The following FARP2 variants were observed in gnomAD, a reference collection of about 807,000 sequenced individuals.
FARP2 encodes the protein FERM, ARHGEF and pleckstrin domain-containing protein 2.
Under a neutral mutation model 130.5 loss-of-function variants are expected in FARP2, and 111 were observed. That is an observed-to-expected ratio of 0.85 (90% CI 0.73 to 1.00). FARP2 has a LOEUF of 1.00. Ranked by LOEUF, FARP2 falls within the 50% of genes least tolerant of loss-of-function variation. The pLI is 0.00. For missense variants in FARP2, 1,385 were observed against 1,346.3 expected, an observed-to-expected ratio of 1.03 and a Z score of -0.45; for synonymous variants, 504 against 516.9, an observed-to-expected ratio of 0.98 and a Z score of 0.34.
At chr2:241,389,861 G>T (rs892871392) in intron 2 of FARP2, among the ~76,000 whole-genome samples, 1 of 152,176 alleles carries the variant, frequency 6.6e-6, no homozygotes, top group South Asian at 2.1e-4. Context: ...TTTTAAGGAG[G>T]TTCTCTTGGG....
chr2:241,410,475 A>G (rs2062487358), intron 5 of FARP2, among the ~76,000 whole-genome samples: 1 of 148,396 alleles, frequency 6.7e-6, no homozygotes, highest in Admixed American at 6.8e-5. Flanking sequence ...CTTGTTGCCT[A>G]ACATGGAGTG....
chr2:241,484,732 T>C (rs2064710070), intron 21 of FARP2, among the ~76,000 whole-genome samples: 2 of 152,222 alleles, frequency 1.3e-5, no homozygotes, highest in South Asian at 4.1e-4. Flanking sequence ...ATGCCTGGGA[T>C]GGGAAGAGAA....
intron 2 of FARP2, among the ~76,000 whole-genome samples, chr2:241,381,686 G>A (rs1248616334): frequency 6.6e-6 from 1 of 152,234 alleles, no homozygotes; most frequent in Non-Finnish European, 1.5e-5. Flanking sequence ...TCTCCAGAGA[G>A]CTGATGGTAG....
rs371083113 is a variant in FARP2, at chr2:241,467,205, A to G, written c.1894-935A>G. ...AGGGAGGTTGAGGCTGCAGTGAGCTATGATCGCACCACTGCACTCCAGCCT... is the reference window on the plus strand; with the variant it reads ...AGGGAGGTTGAGGCTGCAGTGAGCTGTGATCGCACCACTGCACTCCAGCCT... On this transcript the variant is annotated intron_variant, in intron 17 of 26. Coordinates refer to ENST00000264042, the MANE Select transcript of FARP2 (RefSeq NM_014808.4). Among the ~76,000 whole-genome samples, 31 of 152,346 alleles carry G rather than the reference A, an allele frequency of 2.0e-4. No homozygotes were observed. In the East Asian group the frequency reaches 5.2e-3, roughly 26 times the overall value.
intron 20 of FARP2, chr2:241,483,901 C>G: frequency 1.0e-6 from 1 of 985,486 alleles, no homozygotes; most frequent in Non-Finnish European, 1.2e-6. Flanking sequence ...TCAGAAGCCC[C>G]TCCCAGCATG....
chr2:241,434,211 G>A lies in FARP2; in HGVS notation c.921G>A (p.Lys307=). Reference sequence around the variant, plus strand: ...TGTTGGGTAGTAGAGATGAATGTAAGAACTTCTGGAAGATTTGTGTGGAGT... The same window carrying A: ...TGTTGGGTAGTAGAGATGAATGTAAAAACTTCTGGAAGATTTGTGTGGAGT... ...EFLLGSRDEC[K]NFWKICVEYH... is the part of the protein sequence containing the mutation. The change falls in exon 10 of 27, where the codon AAG becomes AAA. Residue 307 remains lysine, a synonymous_variant. Transcript: ENST00000264042. 1 of 1,613,906 alleles carries A rather than the reference G, an allele frequency of 6.2e-7. No individual in the cohort carries two copies. Among genetic ancestry groups the A allele is most frequent in the South Asian group, 1.1e-5 (1 of 91,056 alleles).
intron 4 of FARP2, among the ~76,000 whole-genome samples, chr2:241,406,732 G>A (rs1167667658): frequency 1.3e-5 from 2 of 152,040 alleles, no homozygotes; most frequent in South Asian, 2.1e-4. Flanking sequence ...CCAAAGTGCT[G>A]GGATTACAGA....
intron 9 of FARP2, among the ~76,000 whole-genome samples, chr2:241,432,773 G>A (rs572524533): frequency 5.9e-4 from 90 of 152,258 alleles, no homozygotes; most frequent in African/African-American, 2.0e-3. Flanking sequence ...CTGCATTTCC[G>A]TTGTACAAAA....
intron 4 of FARP2, among the ~76,000 whole-genome samples, chr2:241,406,994 G>C (rs1331040713): frequency 2.0e-5 from 3 of 151,824 alleles, no homozygotes; most frequent in East Asian, 3.9e-4. Flanking sequence ...ATTTTTAATA[G>C]AGACGGGGTT....
intron 21 of FARP2, 66 bp from the exon 22 acceptor site, chr2:241,489,896 C>A: frequency 9.0e-7 from 1 of 1,113,054 alleles, no homozygotes. Context: ...ACCTTGTGTC[C>A]TGCTCAGGCT....
chr2:241,492,135 C>CA (rs1051129346), intron 24 of FARP2, among the ~76,000 whole-genome samples: 5 of 152,212 alleles, frequency 3.3e-5, no homozygotes, highest in Admixed American at 1.3e-4. Flanking sequence ...CTGGTGCCCC[C>CA]ACACCCTTCC....
intron 1 of FARP2, among the ~76,000 whole-genome samples, chr2:241,367,803 A>G (rs1312772354): frequency 6.6e-6 from 1 of 151,968 alleles, no homozygotes; most frequent in African/African-American, 2.4e-5. Flanking sequence ...CAGAAGGGGA[A>G]GAGTTTTGGT....
Position 241,373,261 on chromosome 2 carries a change from G to T in FARP2, c.154G>T (p.Asp52Tyr). The T allele has an allele frequency of 6.6e-7, 1 of 1,508,922 alleles. No homozygotes were observed. Among genetic ancestry groups the T allele is most frequent in the Non-Finnish European group, 8.9e-7 (1 of 1,121,084 alleles). 93.5% of individuals were successfully genotyped at this position (1,508,922 alleles called of 1,614,324 possible). A position where few individuals can be genotyped will look rare whatever the true frequency, so the allele number is the denominator to read the frequency against. Residue 52 changes from aspartate (D) to tyrosine (Y), a missense_variant, in exon 2 of 27, where the codon GAC becomes TAC. Coordinates refer to ENST00000264042, the MANE Select transcript of FARP2 (RefSeq NM_014808.4). The stretch of plus-strand genomic sequence containing the variant: ...CCTGCACCTCAGAGTAAAGCTGCTG[G>T]ACAACACCATGGAAATATTTGACAT... ...KHLHLRVKLL[D>Y]NTMEIFDIEP...
chr2:241,468,272 A>G lies in FARP2; in HGVS notation c.2026A>G (p.Thr676Ala). ...GAAGGTCTGCTACTTGCCTCTCAAC[A>G]CGTTCCTGCTGAAGCCCATCCAGCG... ...LQKVCYLPLN[T>A]FLLKPIQRLL... Residue 676 changes from threonine to alanine, a missense_variant, in exon 18 of 27, where the codon ACG becomes GCG. Coordinates refer to ENST00000264042, the MANE Select transcript of FARP2 (RefSeq NM_014808.4). 6 of 1,613,992 alleles carry G rather than the reference A, an allele frequency of 3.7e-6. No individual in the cohort carries two copies. Among genetic ancestry groups the G allele is most frequent in the Non-Finnish European group, 5.1e-6 (6 of 1,180,038 alleles).
intron 21 of FARP2, 113 bp from the exon 22 acceptor site, chr2:241,489,849 C>T (rs1574915978): frequency 2.9e-6 from 2 of 694,268 alleles, no homozygotes; most frequent in East Asian, 5.3e-5. Flanking sequence ...TTGGACAGCA[C>T]TGGGCTTCCA....
At position 241,463,930 on chromosome 2, in the gene FARP2, A is replaced by G. The variant is rs1210231551; in HGVS notation, c.1843A>G (p.Ser615Gly). Residue 615 changes from serine to glycine, a missense_variant, in exon 17 of 27, where the codon AGT (serine) becomes GGT (glycine). Physicochemically the swap from Ser to Gly is moderately conservative, Grantham distance 56. Coordinates refer to ENST00000264042, the MANE Select transcript of FARP2 (RefSeq NM_014808.4). ...EGPSKAHTKG[S>G]HQRIGDILLR... ...GCCCTCCAAAGCCCACACAAAAGGC[A>G]GTCATCAACGAATCGGGGACATCCT... 1 of 1,614,022 alleles carries G rather than the reference A, an allele frequency of 6.2e-7. No homozygotes were observed. The highest frequency in any genetic ancestry group is 1.7e-5 in the Admixed American group (1 of 60,004).
At chr2:241,493,130 C>T (rs1459344740) in intron 25 of FARP2, 94 bp downstream of exon 25, 2 of 1,142,056 alleles carry the variant, frequency 1.8e-6, no homozygotes, top group Non-Finnish European at 2.6e-6. Flanking sequence ...TTGGTTCTGC[C>T]CTCCCATGCT....
intron 2 of FARP2, among the ~76,000 whole-genome samples, chr2:241,375,834 C>A (rs1454287728): frequency 1.3e-5 from 2 of 151,900 alleles, no homozygotes; most frequent in Non-Finnish European, 2.9e-5. Context: ...CTCAAGTGAT[C>A]CTCCTGCCTC....
chr2:241,457,300 C>T (rs1222660539), intron 14 of FARP2, among the ~76,000 whole-genome samples: 7 of 150,860 alleles, frequency 4.6e-5, no homozygotes, highest in Non-Finnish European at 1.0e-4. Context: ...TTGCTCCTTT[C>T]TTCTCTCCCT....
Sources: gnomAD v4.1 joint callset for allele counts (sites outside exome capture counted in the v4.1 genomes callset) on GRCh38, gnomAD v4.1.1 for gene constraint, MANE v1.5 for transcripts, NCBI Gene and HGNC (gene_info 2026-07-23, HGNC 2026-07-21) for gene names.